Variants in FBXW7 observed in about 807,000 individuals in gnomAD.
The protein encoded by FBXW7 is F-box and WD repeat domain containing 7.
Under a neutral mutation model 86.3 loss-of-function variants are expected in FBXW7, and 11 were observed. The observed-to-expected ratio is 0.13, with a 90% CI of 0.08 to 0.21. FBXW7 has a LOEUF of 0.21. Among genes scored for constraint, FBXW7 ranks in the 10% least tolerant of loss-of-function variants. The pLI is 1.00. For synonymous variants in FBXW7, 313 were observed against 297.9 expected, an observed-to-expected ratio of 1.05 and a Z score of -0.52; for missense variants, 488 against 847.4, an observed-to-expected ratio of 0.58 and a Z score of 5.27.
At chr4:152,328,625 T>C in intron 10 of FBXW7, 3 of 323,904 alleles carry the variant, frequency 9.3e-6, no homozygotes, top group Non-Finnish European at 1.7e-5. Context: ...AAAGCAAACA[T>C]ATGATATAAA....
At position 152,322,613 on chromosome 4, in the gene FBXW7, G is replaced by A; in HGVS notation, c.*268C>T. 1 of 451,322 alleles carries A rather than the reference G, an allele frequency of 2.2e-6. No homozygotes were observed. The highest frequency in any genetic ancestry group is 3.9e-6 in the Non-Finnish European group (1 of 258,588). 28.0% of individuals were successfully genotyped at this position (451,322 alleles called of 1,614,324 possible). The stretch of plus-strand genomic sequence containing the variant: ...AATTGCACCTGGTTTGATTTAGAAA[G>A]TCTCATTTTGCAAAGCTGCCCTCAG... On this transcript the variant is annotated 3_prime_UTR_variant, in exon 14 of 14. Transcript: ENST00000281708.
intron 2 of FBXW7, among the ~76,000 whole-genome samples, chr4:152,465,294 CAA>C (rs1211929684): frequency 4.0e-5 from 6 of 151,768 alleles, no homozygotes; most frequent in Non-Finnish European, 7.4e-5. Flanking sequence ...GCACACAGAA[CAA>C]GAGAAGGGAA....
intron 6 of FBXW7, among the ~76,000 whole-genome samples, chr4:152,339,513 T>C (rs1730497946): frequency 6.6e-6 from 1 of 152,224 alleles, no homozygotes; most frequent in Non-Finnish European, 1.5e-5. Context: ...AATTTATTGA[T>C]TCACATCCCT....
At chr4:152,430,584 T>A (rs1020115567) in intron 2 of FBXW7, among the ~76,000 whole-genome samples, 1 of 152,164 alleles carries the variant, frequency 6.6e-6, no homozygotes, top group South Asian at 2.1e-4. Flanking sequence ...AAGTGGGTTA[T>A]AATGTTACTT....
At chr4:152,389,048 A>T (rs1238359836) in intron 4 of FBXW7, among the ~76,000 whole-genome samples, 1 of 152,048 alleles carries the variant, frequency 6.6e-6, no homozygotes, top group African/African-American at 2.4e-5. Context: ...GTTCAACATC[A>T]TTATCAAAGA....
intron 2 of FBXW7, among the ~76,000 whole-genome samples, chr4:152,489,021 T>C (rs1489839382): frequency 6.6e-6 from 1 of 152,072 alleles, no homozygotes; most frequent in Non-Finnish European, 1.5e-5. Flanking sequence ...TAACAGAGCT[T>C]AGACAGGATT....
chr4:152,506,109 T>G (rs1290535677), intron 2 of FBXW7, among the ~76,000 whole-genome samples: 1 of 152,130 alleles, frequency 6.6e-6, no homozygotes, highest in Non-Finnish European at 1.5e-5. Flanking sequence ...TTATCAAGTA[T>G]TAGGTACTGT....
At chr4:152,514,653 A>G (rs1373925829) in intron 2 of FBXW7, among the ~76,000 whole-genome samples, 10 of 152,024 alleles carry the variant, frequency 6.6e-5, no homozygotes, top group African/African-American at 2.4e-4. Flanking sequence ...AACTGATAAA[A>G]AGAGCTTGGC....
intron 8 of FBXW7, among the ~76,000 whole-genome samples, chr4:152,331,126 A>T (rs1270665287): frequency 6.6e-6 from 1 of 152,186 alleles, no homozygotes; most frequent in Admixed American, 6.5e-5. Flanking sequence ...GATGTGAGGA[A>T]ATTGGAATGC....
chr4:152,329,865 C>T (rs1289215686), intron 9 of FBXW7, 80 bp from the exon 10 acceptor site: 5 of 673,414 alleles, frequency 7.4e-6, no homozygotes, highest in East Asian at 6.4e-5. Flanking sequence ...AAAATGAAGG[C>T]ATAAACAGGA....
intron 2 of FBXW7, among the ~76,000 whole-genome samples, chr4:152,474,007 C>T (rs1475266958): frequency 6.6e-6 from 1 of 152,054 alleles, no homozygotes; most frequent in African/African-American, 2.4e-5. Context: ...AAAAAAAAGA[C>T]AAATACTAGA....
intron 4 of FBXW7, among the ~76,000 whole-genome samples, chr4:152,377,458 A>G (rs1368748977): frequency 6.6e-6 from 1 of 152,132 alleles, no homozygotes; most frequent in Non-Finnish European, 1.5e-5. Flanking sequence ...GTATGTTAAA[A>G]TTCTAGTGAT....
chr4:152,431,804 T>C (rs1019150615), intron 2 of FBXW7, among the ~76,000 whole-genome samples: 2 of 152,234 alleles, frequency 1.3e-5, no homozygotes, highest in African/African-American at 4.8e-5. Flanking sequence ...AAATTATGAT[T>C]ACTAAGATGG....
chr4:152,494,078 G>A (rs1413912295), intron 2 of FBXW7, among the ~76,000 whole-genome samples: 1 of 151,992 alleles, frequency 6.6e-6, no homozygotes, highest in African/African-American at 2.4e-5. Context: ...TTTTTTAATA[G>A]CAGGAATTAA....
chr4:152,383,577 T>C (rs1215107998), intron 4 of FBXW7, among the ~76,000 whole-genome samples: 1 of 152,162 alleles, frequency 6.6e-6, no homozygotes, highest in Non-Finnish European at 1.5e-5. Context: ...TATTTTCTTC[T>C]TCCAACAGCC....
chr4:152,436,516 G>C (rs891084976), intron 2 of FBXW7, among the ~76,000 whole-genome samples: 3 of 152,222 alleles, frequency 2.0e-5, no homozygotes, highest in Non-Finnish European at 2.9e-5. Flanking sequence ...AGCTAACTAA[G>C]ATCACTGACG....
At chr4:152,407,823 G>A (rs1329188256) in intron 4 of FBXW7, among the ~76,000 whole-genome samples, 1 of 151,966 alleles carries the variant, frequency 6.6e-6, no homozygotes, top group Non-Finnish European at 1.5e-5. Context: ...TCCAACCTCA[G>A]CCCCCAAAGT....
chr4:152,326,107 C>T lies in FBXW7; in HGVS notation c.1543G>A (p.Val515Ile), dbSNP rs757683191. Reference protein sequence around the residue: ...RCVQYDGRRVVSGAYDFMVKV... With the variant: ...RCVQYDGRRVISGAYDFMVKV... Reference sequence around the variant, plus strand: ...ACCATAAAATCATATGCTCCACTAACAACCCTCCTGCCATCATATTGAACA... The same window carrying T: ...ACCATAAAATCATATGCTCCACTAATAACCCTCCTGCCATCATATTGAACA... Residue 515 changes from valine (V) to isoleucine (I), a missense_variant, in exon 12 of 14, where the codon GTT (valine) becomes ATT (isoleucine). Physicochemically the swap from Val to Ile is conservative, Grantham distance 29. Transcript: ENST00000281708. The T allele has an allele frequency of 3.1e-6, 5 of 1,613,304 alleles. No individual in the cohort carries two copies. In the African/African-American group the frequency reaches 6.7e-5, roughly 22 times the overall value.
At chr4:152,466,491 G>A (rs915586956) in intron 2 of FBXW7, among the ~76,000 whole-genome samples, 2 of 149,928 alleles carry the variant, frequency 1.3e-5, no homozygotes, top group African/African-American at 4.9e-5. Flanking sequence ...GGAGGCAGAG[G>A]TTGCAGTGAG....
Sources: gnomAD v4.1 joint callset for allele counts (sites outside exome capture counted in the v4.1 genomes callset) on GRCh38, gnomAD v4.1.1 for gene constraint, MANE v1.5 for transcripts, NCBI Gene and HGNC (gene_info 2026-07-23, HGNC 2026-07-21) for gene names.